Variants in ATP10A observed in about 807,000 individuals in gnomAD.
ATP10A encodes ATPase phospholipid transporting 10A (putative).
ATP10A carries 111 observed loss-of-function variants against 147.8 expected under a neutral mutation model. That is an observed-to-expected ratio of 0.75 (90% CI 0.64 to 0.88). ATP10A has a LOEUF of 0.88. ATP10A is among the 40% of genes least tolerant of loss of function. The pLI, the probability that ATP10A is intolerant of heterozygous loss-of-function variation, is 0.00. For missense variants in ATP10A, 1,927 were observed against 1,959.0 expected (o/e 0.98, Z 0.31); for synonymous variants, 875 against 841.6 (o/e 1.04, Z -0.69).
chr15:25,838,988 C>T (rs1310748373), intron 1 of ATP10A, among the ~76,000 whole-genome samples: 1 of 152,126 alleles, frequency 6.6e-6, no homozygotes, highest in African/African-American at 2.4e-5. Flanking sequence ...CAGGAATATC[C>T]CATAGCAGTA....
At position 25,857,118 on chromosome 15, in the gene ATP10A, G is replaced by A. The variant is rs142100029; in HGVS notation, c.449+5530C>T. 5.7e-3 allele frequency among the ~76,000 whole-genome samples: 863 copies of A among 152,258 alleles called. 3 individuals carry two copies. The Middle Eastern group carries it at 0.058, about 10-fold the overall frequency. On this transcript the variant is annotated intron_variant, in intron 1 of 20. Coordinates refer to ENST00000555815, the MANE Select transcript of ATP10A (RefSeq NM_024490.4). ...ACACATCCCATTTATGAGATAAGTG[G>A]AAATCTGAACACACACTGGGTATTT...
intron 1 of ATP10A, among the ~76,000 whole-genome samples, chr15:25,802,836 C>T (rs1299742150): frequency 1.3e-5 from 2 of 150,942 alleles, no homozygotes; most frequent in Non-Finnish European, 2.9e-5. Flanking sequence ...TGAGAAGCTC[C>T]TGACTTCCCC....
chr15:25,785,388 C>G (rs1294604199), intron 1 of ATP10A, among the ~76,000 whole-genome samples: 1 of 152,198 alleles, frequency 6.6e-6, no homozygotes, highest in African/African-American at 2.4e-5. Flanking sequence ...AGGACCCATC[C>G]TGCCCACACC....
At chr15:25,745,352 CA>C (rs1046977545) in intron 2 of ATP10A, among the ~76,000 whole-genome samples, 132 of 118,242 alleles carry the variant, frequency 1.1e-3, no homozygotes, top group South Asian at 1.1e-3. Flanking sequence ...GAATCCGTCT[CA>C]AAAAAAAAAA....
chr15:25,702,760 T>TG (rs1465934643), intron 12 of ATP10A, among the ~76,000 whole-genome samples: 1 of 152,082 alleles, frequency 6.6e-6, no homozygotes, highest in African/African-American at 2.4e-5. Context: ...CAGATTTTTT[T>TG]TTTTTTTTTT....
At chr15:25,723,861 C>T (rs760097669) in intron 6 of ATP10A, 30 bp downstream of exon 6, 1 of 1,515,992 alleles carries the variant, frequency 6.6e-7, no homozygotes, top group Non-Finnish European at 8.9e-7. Flanking sequence ...AAAAGTAAAG[C>T]AATTATTGTA....
chr15:25,816,909 C>A (rs1308787875), intron 1 of ATP10A, among the ~76,000 whole-genome samples: 3 of 151,972 alleles, frequency 2.0e-5, no homozygotes, highest in Non-Finnish European at 2.9e-5. Flanking sequence ...AAAAAAAATT[C>A]TGTTGTATCT....
At chr15:25,822,882 T>C (rs1448316293) in intron 1 of ATP10A, among the ~76,000 whole-genome samples, 3 of 152,182 alleles carry the variant, frequency 2.0e-5, no homozygotes, top group Admixed American at 6.5e-5. Flanking sequence ...AAAAACAAGC[T>C]AGATTCCTAT....
intron 2 of ATP10A, among the ~76,000 whole-genome samples, chr15:25,741,615 T>C (rs1285333528): frequency 6.6e-6 from 1 of 152,238 alleles, no homozygotes; most frequent in Non-Finnish European, 1.5e-5. Flanking sequence ...ATTATTATTT[T>C]GTATTTCAAT....
Position 25,680,124 on chromosome 15 carries a change from G to A in ATP10A, c.3863C>T (p.Pro1288Leu). 6.2e-7 allele frequency: 1 copy of A among 1,613,392 alleles called. No homozygotes were observed. Among genetic ancestry groups the A allele is most frequent in the Non-Finnish European group, 8.5e-7 (1 of 1,179,896 alleles). ...CLMTPVAALLPRLFFRSLQGR... is the reference protein window; with the variant it reads ...CLMTPVAALLLRLFFRSLQGR... ...ACTATCCCGCTCCGACACCCACCTG[G>A]GCAGCAGTGCAGCGACAGGCGTCAT... The change falls in exon 20 of 21, where the codon CCC (proline) becomes CTC (leucine). Residue 1288 changes from proline (P) to leucine (L), a missense_variant. Pro to Leu is a moderately conservative substitution (Grantham distance 98, BLOSUM62 -3). Coordinates refer to ENST00000555815, the MANE Select transcript of ATP10A (RefSeq NM_024490.4).
chr15:25,805,473 A>C (rs1400419950), intron 1 of ATP10A, among the ~76,000 whole-genome samples: 1 of 152,224 alleles, frequency 6.6e-6, no homozygotes, highest in East Asian at 1.9e-4. Flanking sequence ...TTTTTGTGCT[A>C]TCTCTGAGTG....
chr15:25,847,120 C>A (rs1893056158), intron 1 of ATP10A, among the ~76,000 whole-genome samples: 1 of 152,242 alleles, frequency 6.6e-6, no homozygotes, highest in African/African-American at 2.4e-5. Flanking sequence ...GGATAACTAT[C>A]TGGTGTTAGA....
intron 1 of ATP10A, among the ~76,000 whole-genome samples, chr15:25,830,294 G>A (rs1325652597): frequency 1.3e-5 from 2 of 152,140 alleles, no homozygotes; most frequent in East Asian, 1.9e-4. Flanking sequence ...CTCCTAAGGG[G>A]TGCTCTGCAG....
At chr15:25,766,068 G>A (rs183461094) in intron 2 of ATP10A, among the ~76,000 whole-genome samples, 1 of 152,314 alleles carries the variant, frequency 6.6e-6, no homozygotes, top group Admixed American at 6.5e-5. Context: ...ATGGTGCAAG[G>A]TGAAAGGCAC....
chr15:25,831,039 G>C (rs2140870056), intron 1 of ATP10A, among the ~76,000 whole-genome samples: 1 of 152,280 alleles, frequency 6.6e-6, no homozygotes, highest in South Asian at 2.1e-4. Flanking sequence ...GGCAAATGAT[G>C]AGTCTGCAAT....
chr15:25,691,821 T>G, intron 14 of ATP10A, 30 bp from the exon 15 acceptor site: 1 of 1,613,086 alleles, frequency 6.2e-7, no homozygotes, highest in East Asian at 2.2e-5. Flanking sequence ...GAAGAATTGT[T>G]TGATTCTAGA....
At chr15:25,717,934 C>G (rs1178540903) in intron 8 of ATP10A, among the ~76,000 whole-genome samples, 1 of 152,164 alleles carries the variant, frequency 6.6e-6, no homozygotes, top group African/African-American at 2.4e-5. Flanking sequence ...TCCTCTTTGT[C>G]ACCCTTTCTG....
intron 10 of ATP10A, among the ~76,000 whole-genome samples, chr15:25,713,289 T>C (rs1237936110): frequency 3.3e-5 from 5 of 152,200 alleles, no homozygotes; most frequent in Non-Finnish European, 7.4e-5. Flanking sequence ...GCCCCCACTG[T>C]GGCCCAAGGC....
At chr15:25,673,352 G>A (rs1460872501), downstream of ATP10A, among the ~76,000 whole-genome samples, 1 of 152,168 alleles carries the variant, frequency 6.6e-6, no homozygotes, top group African/African-American at 2.4e-5. Context: ...GGGCTTCCTG[G>A]GTGTCGGTCT....
Sources: gnomAD v4.1 joint callset for allele counts (sites outside exome capture counted in the v4.1 genomes callset) on GRCh38, gnomAD v4.1.1 for gene constraint, MANE v1.5 for transcripts, NCBI Gene and HGNC (gene_info 2026-07-23, HGNC 2026-07-21) for gene names.